Variants in GOLGA3 observed in about 807,000 individuals in gnomAD.
The protein encoded by GOLGA3 is golgin subfamily A member 3.
A neutral mutation model predicts 169.4 loss-of-function variants in GOLGA3; 75 were observed. The ratio of observed to expected loss-of-function variants is 0.44; its 90% confidence interval spans 0.37 to 0.54. The LOEUF (loss-of-function observed/expected upper bound fraction) is 0.54, where lower values mean the gene tolerates loss of function less well. Ranked by LOEUF, GOLGA3 falls within the 20% of genes least tolerant of loss-of-function variation. The pLI, the probability that GOLGA3 is intolerant of heterozygous loss-of-function variation, is 0.00. For synonymous variants in GOLGA3, 824 were observed against 822.4 expected (o/e 1.00, Z -0.03); for missense variants, 1,899 against 1,930.0 (o/e 0.98, Z 0.30).
Position 132,796,697 on chromosome 12 carries a change from C to T in GOLGA3, c.1942G>A (p.Asp648Asn), listed in dbSNP as rs1211183915. 1.9e-6 allele frequency: 3 copies of T among 1,613,486 alleles called. No homozygotes were observed. In the South Asian group the frequency reaches 3.3e-5, roughly 18 times the overall value. The stretch of plus-strand genomic sequence containing the variant: ...AAGGCTGCTTCCTGATCCAACATGT[C>T]AGCCTGAGCCCAGGAAACTTGTTTT... The part of the protein sequence containing the change: ...IAAQLQGIEA[D>N]MLDQEAAFMQ... Residue 648 changes from aspartate (D) to asparagine (N), a missense_variant, in exon 10 of 24, where the codon GAC becomes AAC. Transcript: ENST00000450791.
chr12:132,818,365 T>C (rs1295667868), intron 2 of GOLGA3, among the ~76,000 whole-genome samples: 1 of 152,230 alleles, frequency 6.6e-6, no homozygotes, highest in Non-Finnish European at 1.5e-5. Context: ...ATTCAAGCGA[T>C]TCTCCTGCTT....
Position 132,786,498 on chromosome 12 carries a change from G to C in GOLGA3, c.2964C>G (p.Ala988=). ...TATGTTTGGTCTTCATCTCCTTCTGGGCGCTGGTCAAGTCTGAGCCCAGCC... is the reference window on the plus strand; with the variant it reads ...TATGTTTGGTCTTCATCTCCTTCTGCGCGCTGGTCAAGTCTGAGCCCAGCC... ...MRRLGSDLTS[A]QKEMKTKHKA... Residue 988 remains alanine (A), a synonymous_variant, in exon 15 of 24, where the codon GCC becomes GCG. Transcript: ENST00000450791. 6.2e-7 allele frequency: 1 copy of C among 1,613,602 alleles called. No homozygotes were observed. The highest frequency in any genetic ancestry group is 8.5e-7 in the Non-Finnish European group (1 of 1,179,940).
intron 20 of GOLGA3, 30 bp downstream of exon 20, chr12:132,776,928 C>T: frequency 6.4e-7 from 1 of 1,558,830 alleles, no homozygotes; most frequent in Non-Finnish European, 8.7e-7. Flanking sequence ...TGAGTCCAGC[C>T]CTGCAAGTCC....
At chr12:132,809,010 G>A (rs1949564811) in intron 4 of GOLGA3, among the ~76,000 whole-genome samples, 1 of 152,188 alleles carries the variant, frequency 6.6e-6, no homozygotes, top group Non-Finnish European at 1.5e-5. Flanking sequence ...TGAATGTCGG[G>A]CTGCGCTGTT....
intron 3 of GOLGA3, among the ~76,000 whole-genome samples, chr12:132,815,322 C>T (rs1014401333): frequency 5.3e-5 from 8 of 152,190 alleles, no homozygotes; most frequent in African/African-American, 1.9e-4. Context: ...CCAGCAGGAA[C>T]AGGTGACCAG....
At chr12:132,807,368 C>T (rs1949457900) in intron 5 of GOLGA3, 80 bp from the exon 6 acceptor site, 1 of 721,952 alleles carries the variant, frequency 1.4e-6, no homozygotes, top group East Asian at 2.8e-5. Context: ...CCAAATTCCA[C>T]ACACCCCTGC....
At position 132,804,722 on chromosome 12, in the gene GOLGA3, T is replaced by G. The variant is rs759222637; in HGVS notation, c.1591A>C (p.Asn531His). ...TGGCCAGGGCCAGCCTCACCTGTGT[T>G]GTCCTTGCTGAGCATGCTCCTCTGC... Reference protein sequence around the residue: ...DMQRSMLSKDNTVHDLRQQMT... With the variant: ...DMQRSMLSKDHTVHDLRQQMT... Residue 531 changes from asparagine (N) to histidine (H), a missense_variant, in exon 7 of 24, where the codon AAC becomes CAC. Asn to His is a moderately conservative substitution (Grantham distance 68). Transcript: ENST00000450791. The surrounding 1 kb of genome is among the most constrained non-coding windows in gnomAD (Gnocchi z 4.1). 1 of 1,611,904 alleles carries G rather than the reference T, an allele frequency of 6.2e-7. No individual in the cohort carries two copies. The highest frequency in any genetic ancestry group is 1.1e-5 in the South Asian group (1 of 91,016).
At chr12:132,788,959 C>CCCGCCCCAGACACAGGCT in intron 13 of GOLGA3, 68 bp downstream of exon 13, 1 of 1,445,748 alleles carries the variant, frequency 6.9e-7, no homozygotes, top group Non-Finnish European at 9.3e-7. Context: ...AGACACAGGC[C>CCCGCCCCAGACACAGGCT]CCACCCTCCC....
chr12:132,798,649 G>C (rs1262313952), intron 8 of GOLGA3, among the ~76,000 whole-genome samples, 172 bp from the exon 9 acceptor site: 1 of 151,264 alleles, frequency 6.6e-6, no homozygotes, highest in African/African-American at 2.4e-5. Context: ...GCGCTGTCTG[G>C]GCTCTGCGTG....
Position 132,788,800 on chromosome 12 carries a change from T to C in GOLGA3, c.2811+227A>G, listed in dbSNP as rs968521. Among the ~76,000 whole-genome samples the C allele has an allele frequency of 0.97, 147,744 of 152,172 alleles. 71,883 individuals carry two copies. The highest frequency in any genetic ancestry group is 1 in the East Asian group (5,168 of 5,168). On this transcript the variant is annotated intron_variant, in intron 13 of 23. Transcript: ENST00000450791. ...CATGCACCATCACCACCTGGACTTA[T>C]CAGGCCTCACCGGACTGCCCCTCTG... is the stretch of plus-strand genomic sequence containing the variant.
At chr12:132,775,101 C>T (rs754457710) in intron 22 of GOLGA3, 40 bp downstream of exon 22, 40 of 1,580,138 alleles carry the variant, frequency 2.5e-5, no homozygotes, top group South Asian at 4.5e-5. Flanking sequence ...GCATCTACAG[C>T]GCACGTCGGC....
intron 8 of GOLGA3, among the ~76,000 whole-genome samples, chr12:132,801,080 G>C (rs1017476014): frequency 5.9e-5 from 9 of 152,276 alleles, no homozygotes; most frequent in Admixed American, 5.2e-4. Flanking sequence ...CCATTCGCCT[G>C]TCGGTCTGGG....
intron 22 of GOLGA3, chr12:132,774,868 C>T: frequency 3.8e-6 from 2 of 528,440 alleles, no homozygotes; most frequent in Non-Finnish European, 3.3e-6. Flanking sequence ...GCAGGGACTG[C>T]CGAGTCACAG....
intron 17 of GOLGA3, among the ~76,000 whole-genome samples, chr12:132,781,200 T>C (rs1008422036): frequency 1.3e-5 from 2 of 151,172 alleles, no homozygotes; most frequent in Non-Finnish European, 2.9e-5. Flanking sequence ...TGAGCTATGA[T>C]GGTACCACCG....
chr12:132,828,188 G>A (rs968289097), intron 1 of GOLGA3: 1 of 152,110 alleles, frequency 6.6e-6, no homozygotes, highest in African/African-American at 2.4e-5. Context: ...TAGAGTAGCG[G>A]ACCCCACCCA....
At chr12:132,776,931 G>GC (rs1244607694) in intron 20 of GOLGA3, 27 bp downstream of exon 20, 2 of 1,559,720 alleles carry the variant, frequency 1.3e-6, no homozygotes, top group Admixed American at 3.8e-5. Flanking sequence ...GTCCAGCCCT[G>GC]CAAGTCCAGC....
At chr12:132,810,633 G>A (rs1949655498) in intron 4 of GOLGA3, among the ~76,000 whole-genome samples, 1 of 152,188 alleles carries the variant, frequency 6.6e-6, no homozygotes, top group Admixed American at 6.5e-5. Context: ...CTTCTGTTAT[G>A]CCCAGACAGG....
intron 20 of GOLGA3, 84 bp downstream of exon 20, chr12:132,776,874 G>A (rs2045276116): frequency 5.8e-6 from 9 of 1,543,616 alleles, no homozygotes; most frequent in Non-Finnish European, 7.9e-6. Flanking sequence ...AACCATCACT[G>A]TTGCTCCCCA....
At position 132,786,543 on chromosome 12, in the gene GOLGA3, T is replaced by G; in HGVS notation, c.2919A>C (p.Glu973Asp). 6.2e-7 allele frequency: 1 copy of G among 1,613,370 alleles called. No individual in the cohort carries two copies. Among genetic ancestry groups the G allele is most frequent in the Non-Finnish European group, 8.5e-7 (1 of 1,179,814 alleles). Residue 973 changes from glutamate to aspartate, a missense_variant, in exon 15 of 24, where the codon GAA (glutamate) becomes GAC (aspartate). Glu to Asp is a conservative substitution (Grantham distance 45). Coordinates refer to ENST00000450791, the MANE Select transcript of GOLGA3 (RefSeq NM_001389683.1). ...CCAGCCGCCTCATCTTCTGCTTCTG[T>G]TCCGTGATGGCCCTGGGGTGTCATG... Reference protein sequence around the residue: ...LQQEARKAITEQKQKMRRLGS... With the variant: ...LQQEARKAITDQKQKMRRLGS...
Sources: allele counts gnomAD v4.1 joint callset (sites outside exome capture counted in the v4.1 genomes callset), GRCh38; gene constraint gnomAD v4.1.1; non-coding constraint Gnocchi (gnomAD v3.1); transcripts MANE v1.5; gene names NCBI Gene and HGNC (gene_info 2026-07-23, HGNC 2026-07-21).